The following RPS6KC1 variants were observed in gnomAD, a reference collection of about 807,000 sequenced individuals.
RPS6KC1 encodes inactive ribosomal protein S6 kinase delta-1.
In RPS6KC1, 54 loss-of-function variants were observed where a neutral mutation model predicts 103.8. The ratio of observed to expected loss-of-function variants is 0.52; its 90% CI spans 0.42 to 0.65. RPS6KC1 has a LOEUF of 0.65. RPS6KC1 is among the 30% of genes least tolerant of loss of function. The pLI is 0.00. For missense variants in RPS6KC1, 1,151 were observed against 1,253.8 expected (o/e 0.92, Z 1.24); for synonymous variants, 439 against 438.7 (o/e 1.00, Z -0.01).
chr1:213,368,567 T>C, the RPS6KC1 span, among the ~76,000 whole-genome samples: 1 of 152,172 alleles, frequency 6.6e-6, no homozygotes, highest in African/African-American at 2.4e-5. Flanking sequence ...AAATTAGAAA[T>C]GTGGGGACCC....
At chr1:213,498,774 T>TC in the RPS6KC1 span, among the ~76,000 whole-genome samples, 73 of 43,596 alleles carry the variant, frequency 1.7e-3, no homozygotes, top group East Asian at 5.8e-3. Context: ...TTTCTAAGAT[T>TC]TTTTTTTTTT....
the RPS6KC1 span, among the ~76,000 whole-genome samples, chr1:213,732,367 G>A: frequency 6.6e-6 from 1 of 151,894 alleles, no homozygotes; most frequent in African/African-American, 2.4e-5. Context: ...GTGCGTGTGT[G>A]TGTGTGTGTA....
the RPS6KC1 span, chr1:213,835,968 G>T: frequency 2.0e-5 from 3 of 151,970 alleles, no homozygotes; most frequent in African/African-American, 4.8e-5. Flanking sequence ...CAAAATCATT[G>T]TTTGGAATTT....
chr1:213,780,919 A>G, the RPS6KC1 span, among the ~76,000 whole-genome samples: 1 of 152,186 alleles, frequency 6.6e-6, no homozygotes, highest in Non-Finnish European at 1.5e-5. Context: ...GCTACTCCAG[A>G]GGCTGAGGCA....
At chr1:213,703,919 C>A in the RPS6KC1 span, among the ~76,000 whole-genome samples, 1 of 152,104 alleles carries the variant, frequency 6.6e-6, no homozygotes, top group African/African-American at 2.4e-5. Context: ...ACTTTCTATT[C>A]CTGTCTCATT....
the RPS6KC1 span, among the ~76,000 whole-genome samples, chr1:213,618,000 C>T: frequency 6.6e-6 from 1 of 152,176 alleles, no homozygotes; most frequent in Non-Finnish European, 1.5e-5. Context: ...TATTTTTCCA[C>T]TTTGATATAT....
the RPS6KC1 span, among the ~76,000 whole-genome samples, chr1:213,404,990 G>A: frequency 6.6e-6 from 1 of 152,184 alleles, no homozygotes; most frequent in African/African-American, 2.4e-5. Flanking sequence ...AGGCACAAAC[G>A]CCACCTTTCA....
chr1:213,798,899 GCT>G, the RPS6KC1 span, among the ~76,000 whole-genome samples: 6 of 152,210 alleles, frequency 3.9e-5, no homozygotes, highest in East Asian at 1.2e-3. Flanking sequence ...CAGACCCACA[GCT>G]CCAAGTCAGT....
chr1:213,120,266 G>A (rs1558359505), intron 5 of RPS6KC1, among the ~76,000 whole-genome samples: 1 of 152,186 alleles, frequency 6.6e-6, no homozygotes, highest in Non-Finnish European at 1.5e-5. Context: ...TGGAAATGCT[G>A]TTAATGGTTA....
the RPS6KC1 span, among the ~76,000 whole-genome samples, chr1:213,426,475 A>G: frequency 4.1e-4 from 62 of 152,214 alleles, no homozygotes; most frequent in Non-Finnish European, 5.7e-4. Context: ...CCCCGTAACT[A>G]GAGTAGCTCA....
chr1:213,838,731 G>C, the RPS6KC1 span, among the ~76,000 whole-genome samples: 13 of 152,168 alleles, frequency 8.5e-5, no homozygotes, highest in Admixed American at 7.2e-4. Context: ...TGGTGCGCAG[G>C]ACCAGGCAAA....
chr1:213,659,805 C>T, the RPS6KC1 span, among the ~76,000 whole-genome samples: 4 of 152,194 alleles, frequency 2.6e-5, no homozygotes, highest in Non-Finnish European at 5.9e-5. Context: ...AAATAAATAT[C>T]TTTGGATCAA....
chr1:213,169,985 T>C (rs1338864573), intron 7 of RPS6KC1, among the ~76,000 whole-genome samples: 2 of 152,152 alleles, frequency 1.3e-5, no homozygotes, highest in African/African-American at 4.8e-5. Flanking sequence ...TTTCGCCATG[T>C]TGGCTAGGCT....
chr1:213,449,467 C>T, the RPS6KC1 span, among the ~76,000 whole-genome samples: 5 of 152,136 alleles, frequency 3.3e-5, no homozygotes, highest in African/African-American at 1.2e-4. Context: ...ATGCGGCCTT[C>T]CTTTTCTCTC....
At chr1:213,245,712 T>G (rs2094443499) in intron 12 of RPS6KC1, among the ~76,000 whole-genome samples, 1 of 152,048 alleles carries the variant, frequency 6.6e-6, no homozygotes, top group African/African-American at 2.4e-5. Context: ...AATGCCAAAC[T>G]AGCAGGGGGG....
At chr1:213,158,238 A>G (rs1304364292) in intron 6 of RPS6KC1, among the ~76,000 whole-genome samples, 3 of 152,224 alleles carry the variant, frequency 2.0e-5, no homozygotes, top group Non-Finnish European at 4.4e-5. Flanking sequence ...AAGCCAGGTA[A>G]ATCAGTACTG....
chr1:213,578,431 G>C, the RPS6KC1 span, among the ~76,000 whole-genome samples: 1 of 152,234 alleles, frequency 6.6e-6, no homozygotes, highest in Non-Finnish European at 1.5e-5. Context: ...CCAAACCCCA[G>C]AATGGTGGGT....
the RPS6KC1 span, among the ~76,000 whole-genome samples, chr1:213,650,842 CA>C: frequency 6.5e-3 from 979 of 150,080 alleles, 5 homozygotes; most frequent in African/African-American, 0.023. Flanking sequence ...AAGCCAAACT[CA>C]AACACAGATA....
chr1:213,647,711 C>T, the RPS6KC1 span, among the ~76,000 whole-genome samples: 15 of 152,148 alleles, frequency 9.9e-5, no homozygotes, highest in East Asian at 3.9e-4. Flanking sequence ...CTGTTCACAG[C>T]GTCCCTAGTG....
Sources: allele counts gnomAD v4.1 joint callset (sites outside exome capture counted in the v4.1 genomes callset), GRCh38; gene constraint gnomAD v4.1.1; transcripts MANE v1.5; gene names NCBI Gene and HGNC (gene_info 2026-07-23, HGNC 2026-07-21).